DLG2: variants seen among roughly 807,000 people sequenced by gnomAD.
DLG2 encodes disks large homolog 2.
A neutral mutation model predicts 132.5 loss-of-function variants in DLG2; 45 were observed. That is an observed-to-expected ratio of 0.34 (90% CI 0.27 to 0.44). The LOEUF (loss-of-function observed/expected upper bound fraction) is 0.44, where lower values mean the gene tolerates loss of function less well. DLG2 is among the 20% of genes least tolerant of loss of function. DLG2 has a pLI of 1.00. For synonymous variants in DLG2, 424 were observed against 419.6 expected, an observed-to-expected ratio of 1.01 and a Z score of -0.13; for missense variants, 1,045 against 1,196.9, an observed-to-expected ratio of 0.87 and a Z score of 1.87.
At chr11:84,763,658 T>C (rs2067974886) in intron 6 of DLG2, among the ~76,000 whole-genome samples, 1 of 152,070 alleles carries the variant, frequency 6.6e-6, no homozygotes, top group Non-Finnish European at 1.5e-5. Flanking sequence ...TACCCCAACT[T>C]CTCAATTGGC....
chr11:84,282,827 T>C (rs1272943868), intron 7 of DLG2, among the ~76,000 whole-genome samples: 1 of 152,194 alleles, frequency 6.6e-6, no homozygotes, highest in Non-Finnish European at 1.5e-5. Flanking sequence ...TGCTTTGACA[T>C]GCTTCAATGA....
chr11:85,549,107 A>T (rs1319273170), intron 3 of DLG2, among the ~76,000 whole-genome samples: 1 of 152,120 alleles, frequency 6.6e-6, no homozygotes, highest in East Asian at 1.9e-4. Context: ...GGAAACCCAG[A>T]GCCCTGGTGG....
At chr11:83,954,391 T>C (rs972065070) in intron 14 of DLG2, among the ~76,000 whole-genome samples, 3 of 152,318 alleles carry the variant, frequency 2.0e-5, no homozygotes, top group African/African-American at 7.2e-5. Flanking sequence ...TTATTGTTTA[T>C]TTACATTAAT....
chr11:83,896,670 G>A (rs913716004), intron 15 of DLG2, among the ~76,000 whole-genome samples: 1 of 152,186 alleles, frequency 6.6e-6, no homozygotes, highest in African/African-American at 2.4e-5. Context: ...ATAGTTTAGT[G>A]GTTGTCTGGG....
intron 7 of DLG2, among the ~76,000 whole-genome samples, chr11:84,350,449 G>A (rs1207003309): frequency 2.0e-5 from 3 of 152,132 alleles, no homozygotes; most frequent in Non-Finnish European, 2.9e-5. Flanking sequence ...CCACATCTAT[G>A]TAAGAGAATA....
At chr11:83,757,023 A>G (rs1475968846) in intron 18 of DLG2, among the ~76,000 whole-genome samples, 3 of 152,214 alleles carry the variant, frequency 2.0e-5, no homozygotes, top group African/African-American at 7.2e-5. Context: ...AAGTGTGCCT[A>G]TGAGGATAAT....
At position 84,554,179 on chromosome 11, in the gene DLG2, T is replaced by A. The variant is rs1290955957; in HGVS notation, c.358-19448A>T. 3.3e-5 allele frequency among the ~76,000 whole-genome samples: 5 copies of A among 152,218 alleles called. No individual in the cohort carries two copies. In the East Asian group the frequency reaches 9.6e-4, roughly 29 times the overall value. On this transcript the variant is annotated intron_variant, in intron 6 of 27. Transcript: ENST00000376104. The stretch of plus-strand genomic sequence containing the variant: ...TTTTATTTTCTTCTTCATCCTTGTA[T>A]CAATTCATCCTTTTATCTAAACTAT...
At chr11:84,266,141 G>A (rs1421804667) in intron 7 of DLG2, among the ~76,000 whole-genome samples, 1 of 152,128 alleles carries the variant, frequency 6.6e-6, no homozygotes, top group Non-Finnish European at 1.5e-5. Context: ...AGCAATACTG[G>A]AATACAAAGA....
intron 19 of DLG2, among the ~76,000 whole-genome samples, chr11:83,589,153 C>T (rs1308700531): frequency 6.6e-6 from 1 of 150,884 alleles, no homozygotes; most frequent in East Asian, 1.9e-4. Context: ...CACAAAGATA[C>T]TCCTCGAGAA....
At chr11:84,199,049 C>T (rs1276552493) in intron 8 of DLG2, among the ~76,000 whole-genome samples, 4 of 152,030 alleles carry the variant, frequency 2.6e-5, no homozygotes, top group African/African-American at 7.2e-5. Context: ...ATTATTTGCA[C>T]GTCATAAAAA....
intron 7 of DLG2, among the ~76,000 whole-genome samples, chr11:84,501,650 A>G (rs2099205936): frequency 6.6e-6 from 1 of 152,204 alleles, no homozygotes; most frequent in South Asian, 2.1e-4. Context: ...TGTGAGAAAC[A>G]GTCAGGTATA....
intron 9 of DLG2, among the ~76,000 whole-genome samples, chr11:84,140,537 C>T (rs1159707804): frequency 6.6e-6 from 1 of 152,058 alleles, no homozygotes. Context: ...TCACGAGTTC[C>T]AAAAATGCTA....
At chr11:84,410,044 AG>A (rs1436923663) in intron 7 of DLG2, among the ~76,000 whole-genome samples, 6 of 152,222 alleles carry the variant, frequency 3.9e-5, no homozygotes, top group Non-Finnish European at 7.3e-5. Context: ...TGAATGACAA[AG>A]CTAGGACTGG....
At chr11:85,422,814 C>A (rs1048378386) in intron 3 of DLG2, among the ~76,000 whole-genome samples, 3 of 152,062 alleles carry the variant, frequency 2.0e-5, no homozygotes, top group African/African-American at 7.2e-5. Flanking sequence ...TTTCTGCTAT[C>A]TATTTCTTTG....
At chr11:85,157,944 G>C (rs1184392333) in intron 4 of DLG2, among the ~76,000 whole-genome samples, 2 of 151,654 alleles carry the variant, frequency 1.3e-5, no homozygotes, top group Non-Finnish European at 2.9e-5. Context: ...TGTCTGAGGA[G>C]ATAAACCCCG....
At chr11:84,484,971 TATACAA>T (rs1410235643) in intron 7 of DLG2, among the ~76,000 whole-genome samples, 1 of 152,172 alleles carries the variant, frequency 6.6e-6, no homozygotes, top group Admixed American at 6.5e-5. Context: ...CAAATGCTTT[TATACAA>T]ATACAACTTC....
chr11:84,483,219 G>A (rs1186083144), intron 7 of DLG2, among the ~76,000 whole-genome samples: 1 of 152,204 alleles, frequency 6.6e-6, no homozygotes, highest in East Asian at 1.9e-4. Context: ...CATCACCTGA[G>A]GTCAGGAGTT....
At position 84,853,924 on chromosome 11, in the gene DLG2, T is replaced by C. The variant is rs556210959; in HGVS notation, c.357+257737A>G. Among the ~76,000 whole-genome samples the C allele has an allele frequency of 2.6e-4, 40 of 152,174 alleles. 1 individual carries two copies. The highest frequency in any genetic ancestry group is 9.1e-4 in the African/African-American group (38 of 41,564). ...AGTGGGAGTTAGATGATCTTTCTCATTTTAAGATGTCTTAAGGAATCAGTA... is the reference window on the plus strand; with the variant it reads ...AGTGGGAGTTAGATGATCTTTCTCACTTTAAGATGTCTTAAGGAATCAGTA... On this transcript the variant is annotated intron_variant, in intron 6 of 27. Coordinates refer to ENST00000376104, the MANE Select transcript of DLG2 (RefSeq NM_001142699.3).
intron 6 of DLG2, among the ~76,000 whole-genome samples, chr11:84,660,466 T>C (rs2099693368): frequency 6.6e-6 from 1 of 152,136 alleles, no homozygotes; most frequent in Non-Finnish European, 1.5e-5. Context: ...ATGGTGTGTC[T>C]TATCTCTATA....
Sources: gnomAD v4.1 joint callset for allele counts (sites outside exome capture counted in the v4.1 genomes callset) on GRCh38, gnomAD v4.1.1 for gene constraint, MANE v1.5 for transcripts, NCBI Gene and HGNC (gene_info 2026-07-23, HGNC 2026-07-21) for gene names.